ABCC2: variants seen among roughly 807,000 people sequenced by gnomAD.
The protein encoded by ABCC2 is ATP-binding cassette sub-family C member 2.
A neutral mutation model predicts 173.4 loss-of-function variants in ABCC2; 157 were observed. That is an observed-to-expected ratio of 0.91 (90% confidence interval 0.80 to 1.03). ABCC2 has a LOEUF of 1.03. Among genes scored for constraint, ABCC2 ranks in the 50% least tolerant of loss-of-function variants. ABCC2 has a pLI of 0.00. For synonymous variants in ABCC2, 657 were observed against 693.5 expected (o/e 0.95, Z 0.83); for missense variants, 1,822 against 1,852.3 (o/e 0.98, Z 0.30).
At chr10:99,811,052 T>C (rs1171842545) in intron 14 of ABCC2, among the ~76,000 whole-genome samples, 3 of 151,348 alleles carry the variant, frequency 2.0e-5, no homozygotes, top group South Asian at 2.1e-4. Flanking sequence ...GACTTTAGGC[T>C]GGATGCAGTG....
At chr10:99,846,268 G>A (rs2039016056) in intron 29 of ABCC2, among the ~76,000 whole-genome samples, 1 of 152,184 alleles carries the variant, frequency 6.6e-6, no homozygotes, top group African/African-American at 2.4e-5. Flanking sequence ...AAGGACTGCC[G>A]CGAGGCCTCT....
intron 2 of ABCC2, among the ~76,000 whole-genome samples, chr10:99,790,496 A>G (rs2037793611): frequency 6.6e-6 from 1 of 152,150 alleles, no homozygotes; most frequent in South Asian, 2.1e-4. Context: ...ATATGAGTTT[A>G]ATATATATAA....
At chr10:99,788,533 A>G (rs538349556) in intron 2 of ABCC2, 1 of 152,506 alleles carries the variant, frequency 6.6e-6, no homozygotes, top group African/African-American at 2.4e-5. Context: ...CACTACCCAG[A>G]CTAAAATCGA....
intron 2 of ABCC2, among the ~76,000 whole-genome samples, chr10:99,787,820 T>C (rs1036778807): frequency 4.6e-5 from 7 of 152,074 alleles, no homozygotes; most frequent in African/African-American, 1.5e-4. Flanking sequence ...CCCAACACTT[T>C]GGGAAGCTGA....
Position 99,836,295 on chromosome 10 carries a change from G to A in ABCC2, c.3614+5G>A, listed in dbSNP as rs982865777. 4 of 1,613,572 alleles carry A rather than the reference G, an allele frequency of 2.5e-6. No homozygotes were observed. The highest frequency in any genetic ancestry group is 3.3e-5 in the Admixed American group (2 of 60,006). On this transcript the variant is annotated splice_donor_5th_base_variant and intron_variant, in intron 25 of 31. Transcript: ENST00000647814. ...TTCCTGGATCACCTCCAACAGGTGAGGCTTCCCCTGGGTATTTACCCATGT... is the reference window on the plus strand; with the variant it reads ...TTCCTGGATCACCTCCAACAGGTGAAGCTTCCCCTGGGTATTTACCCATGT...
At chr10:99,818,668 G>T (rs2038466712) in intron 17 of ABCC2, 122 bp from the exon 18 acceptor site, 2 of 969,902 alleles carry the variant, frequency 2.1e-6, no homozygotes, top group South Asian at 1.5e-5. Flanking sequence ...AAAGGAACTT[G>T]TAAGATTTTT....
At chr10:99,849,949 C>A (rs1228838113) in intron 30 of ABCC2, among the ~76,000 whole-genome samples, 1 of 152,202 alleles carries the variant, frequency 6.6e-6, no homozygotes, top group East Asian at 1.9e-4. Context: ...CAAATTAAAG[C>A]TATTTGCATT....
intron 16 of ABCC2, among the ~76,000 whole-genome samples, chr10:99,817,031 A>G (rs2038431111): frequency 6.6e-6 from 1 of 152,178 alleles, no homozygotes. Context: ...CCTCTTCTAG[A>G]AGCATCACAC....
intron 9 of ABCC2, among the ~76,000 whole-genome samples, chr10:99,803,549 G>A (rs2038046761): frequency 1.3e-5 from 2 of 151,932 alleles, no homozygotes; most frequent in African/African-American, 4.8e-5. Flanking sequence ...ACATAATATA[G>A]TAGTGAAATA....
intron 30 of ABCC2, 151 bp from the exon 31 acceptor site, chr10:99,850,451 G>A (rs1025050061): frequency 9.4e-6 from 7 of 743,346 alleles, no homozygotes; most frequent in Non-Finnish European, 1.6e-5. Flanking sequence ...ACAGCAGCAA[G>A]GTACAGCTAG....
intron 6 of ABCC2, among the ~76,000 whole-genome samples, chr10:99,796,629 G>A (rs752173435): frequency 1.4e-4 from 21 of 152,078 alleles, no homozygotes; most frequent in Non-Finnish European, 2.2e-4. Context: ...AGGTTGCGGT[G>A]AGCCAAGATT....
chr10:99,820,034 G>T (rs2038505177), intron 19 of ABCC2, among the ~76,000 whole-genome samples: 1 of 152,194 alleles, frequency 6.6e-6, no homozygotes, highest in African/African-American at 2.4e-5. Context: ...TGAGGGAGTA[G>T]CTACACAGCC....
chr10:99,840,763 C>G (rs2038929842), intron 25 of ABCC2, among the ~76,000 whole-genome samples: 1 of 152,246 alleles, frequency 6.6e-6, no homozygotes, highest in Admixed American at 6.5e-5. Flanking sequence ...GATCCGCCCG[C>G]CTCAGCCTCC....
chr10:99,803,083 C>T (rs1047870187), intron 9 of ABCC2, among the ~76,000 whole-genome samples: 1 of 152,340 alleles, frequency 6.6e-6, no homozygotes, highest in East Asian at 1.9e-4. Flanking sequence ...GTTCTCCTGC[C>T]TTAGCCTCCC....
intron 26 of ABCC2, among the ~76,000 whole-genome samples, chr10:99,843,052 CA>C (rs147966035): frequency 3.1e-3 from 350 of 114,754 alleles, no homozygotes; most frequent in Middle Eastern, 4.7e-3. Context: ...GATTCCATCT[CA>C]AAAAAAAAAA....
intron 31 of ABCC2, among the ~76,000 whole-genome samples, chr10:99,851,264 C>A (rs762587561): frequency 6.6e-6 from 1 of 152,226 alleles, no homozygotes; most frequent in Non-Finnish European, 1.5e-5. Context: ...ATGTGCACTT[C>A]TTTTAAAAAC....
chr10:99,787,023 C>A (rs2037723376), intron 2 of ABCC2, among the ~76,000 whole-genome samples: 2 of 151,174 alleles, frequency 1.3e-5, no homozygotes, highest in South Asian at 2.1e-4. Flanking sequence ...AAAAAATTAG[C>A]CTGGTGCAGT....
chr10:99,787,207 G>A (rs2037727652), intron 2 of ABCC2, among the ~76,000 whole-genome samples: 1 of 150,924 alleles, frequency 6.6e-6, no homozygotes, highest in Non-Finnish European at 1.5e-5. Flanking sequence ...ACACATATGT[G>A]CAACCATCAC....
chr10:99,841,693 CTTATGAT>C (rs2133140951), intron 25 of ABCC2, among the ~76,000 whole-genome samples: 1 of 152,300 alleles, frequency 6.6e-6, no homozygotes, highest in Non-Finnish European at 1.5e-5. Context: ...CTAGGTGATT[CTTATGAT>C]TTGGCGAGTT....
Sources: gnomAD v4.1 joint callset for allele counts (sites outside exome capture counted in the v4.1 genomes callset) on GRCh38, gnomAD v4.1.1 for gene constraint, MANE v1.5 for transcripts, NCBI Gene and HGNC (gene_info 2026-07-23, HGNC 2026-07-21) for gene names.